UGT1A9: variants seen among roughly 807,000 people sequenced by gnomAD.
The protein encoded by UGT1A9 is UDP glucuronosyltransferase family 1 member A9, also known as UDP-glucuronosyltransferase 1A9.
Under a neutral mutation model 45.0 loss-of-function variants are expected in UGT1A9, and 35 were observed. The ratio of observed to expected loss-of-function variants is 0.78; its 90% confidence interval spans 0.59 to 1.03. The LOEUF (loss-of-function observed/expected upper bound fraction) is 1.03. UGT1A9 is among the 50% of genes least tolerant of loss of function. UGT1A9 has a pLI of 0.00. For missense variants in UGT1A9, 687 were observed against 666.6 expected, an observed-to-expected ratio of 1.03 and a Z score of -0.34; for synonymous variants, 278 against 250.6, an observed-to-expected ratio of 1.11 and a Z score of -1.03.
intron 1 of UGT1A9, among the ~76,000 whole-genome samples, chr2:233,722,881 G>T (rs2077046984): frequency 7.8e-5 from 9 of 115,512 alleles, no homozygotes; most frequent in Admixed American, 2.8e-4. Context: ...TAAATTTATT[G>T]CTCATTAAGT....
At chr2:233,684,348 A>C (rs1180334738) in intron 1 of UGT1A9, among the ~76,000 whole-genome samples, 1 of 152,214 alleles carries the variant, frequency 6.6e-6, no homozygotes, top group South Asian at 2.1e-4. Context: ...TAGACTTGTC[A>C]AAGTGTCTCT....
chr2:233,747,991 A>G (rs532442400), intron 1 of UGT1A9: 1 of 1,612,870 alleles, frequency 6.2e-7, no homozygotes, highest in Non-Finnish European at 8.5e-7. Context: ...TTCCGAGGGG[A>G]CTTTGTGATG....
At chr2:233,724,276 C>T (rs2077203543) in intron 1 of UGT1A9, among the ~76,000 whole-genome samples, 1 of 135,960 alleles carries the variant, frequency 7.4e-6, no homozygotes, top group Non-Finnish European at 1.6e-5. Flanking sequence ...GGGCGGCTGG[C>T]CGGGCGGGGG....
chr2:233,672,981 T>A (rs1290913607), intron 1 of UGT1A9, among the ~76,000 whole-genome samples, 192 bp downstream of exon 1: 2 of 152,214 alleles, frequency 1.3e-5, no homozygotes, highest in Non-Finnish European at 2.9e-5. Context: ...CTTGAAGATA[T>A]GTATTTATAA....
intron 1 of UGT1A9, chr2:233,713,016 CT>C: frequency 6.2e-7 from 1 of 1,613,704 alleles, no homozygotes; most frequent in Non-Finnish European, 8.5e-7. Context: ...CCAGGTTCCC[CT>C]GCCGCAGCTG....
rs28900368 is a variant in UGT1A9 at position 233,741,162 on chromosome 2, T to C, written c.856-25872T>C. ...CATTTATGACAGCACTAATCCAGGA[T>C]ATATCAAAACTGAACTTGTGTTTGC... On this transcript the variant is annotated intron_variant, in intron 1 of 4. Transcript: ENST00000354728. 1.4e-3 allele frequency among the ~76,000 whole-genome samples: 206 copies of C among 152,072 alleles called. 9 individuals are homozygous for C. The highest frequency in any genetic ancestry group is 4.8e-3 in the African/African-American group (198 of 41,316).
chr2:233,679,848 T>A (rs990839765), intron 1 of UGT1A9, among the ~76,000 whole-genome samples: 2 of 152,204 alleles, frequency 1.3e-5, no homozygotes, highest in Admixed American at 1.3e-4. Flanking sequence ...CAAATCACAT[T>A]GGCATCTATA....
chr2:233,767,255 G>T, intron 2 of UGT1A9, 90 bp downstream of exon 2: 2 of 1,596,758 alleles, frequency 1.3e-6, no homozygotes, highest in East Asian at 2.2e-5. Context: ...CTCTTAATTG[G>T]AACCTTAGAT....
At chr2:233,772,210 A>AT in intron 4 of UGT1A9, 52 bp from the exon 5 acceptor site, 1 of 1,610,530 alleles carries the variant, frequency 6.2e-7, no homozygotes, top group Non-Finnish European at 8.5e-7. Context: ...TAAAGAGAGG[A>AT]TTGTTCATAC....
In UGT1A9 at chr2:233,772,242, G is replaced by A. The variant is rs762612938; in HGVS notation, c.1296-20G>A. ...ATACCACAGGTGTTCCAGGCATAAC[G>A]AAACTGTCTTTGTGTTTAGTTACAA... On this transcript the variant is annotated intron_variant, in intron 4 of 4. Transcript: ENST00000354728. 5.6e-6 allele frequency: 9 copies of A among 1,614,002 alleles called. No individual in the cohort carries two copies. Among genetic ancestry groups the A allele is most frequent in the East Asian group, 4.5e-5 (2 of 44,900 alleles).
intron 1 of UGT1A9, among the ~76,000 whole-genome samples, chr2:233,699,243 G>T (rs1160022756): frequency 1.3e-5 from 2 of 151,972 alleles, no homozygotes; most frequent in East Asian, 3.9e-4. Context: ...TTGTTTTTAG[G>T]CCCCTTTCCT....
chr2:233,737,036 C>T (rs2078836192), intron 1 of UGT1A9, among the ~76,000 whole-genome samples: 1 of 152,178 alleles, frequency 6.6e-6, no homozygotes, highest in Non-Finnish European at 1.5e-5. Flanking sequence ...TCTCAGAGCT[C>T]AAATGCCATA....
Position 233,743,740 on chromosome 2 carries a change from G to C in UGT1A9, c.856-23294G>C, listed in dbSNP as rs370997418. The C allele has an allele frequency of 1.2e-4, 170 of 1,367,378 alleles. 1 individual carries two copies. The highest frequency in any genetic ancestry group is 2.3e-4 in the South Asian group (20 of 88,054). The allele number at this position is 1,367,378 out of a possible 1,614,324, so 84.7% of individuals were successfully genotyped here. ...AGCGGTCATAGATATCGCGTTTCTTGGCGTCCGACAACACCTCGTAGGCCT... is the reference window on the plus strand; with the variant it reads ...AGCGGTCATAGATATCGCGTTTCTTCGCGTCCGACAACACCTCGTAGGCCT... On this transcript the variant is annotated intron_variant, in intron 1 of 4. Coordinates refer to ENST00000354728, the MANE Select transcript of UGT1A9 (RefSeq NM_021027.3).
At chr2:233,724,277 C>G (rs1162056701) in intron 1 of UGT1A9, among the ~76,000 whole-genome samples, 11 of 115,820 alleles carry the variant, frequency 9.5e-5, no homozygotes, top group African/African-American at 3.2e-4. Context: ...GGCGGCTGGC[C>G]GGGCGGGGGG....
intron 2 of UGT1A9, 121 bp downstream of exon 2, chr2:233,767,286 C>T (rs967346318): frequency 1.9e-6 from 3 of 1,568,700 alleles, no homozygotes; most frequent in Non-Finnish European, 2.6e-6. Flanking sequence ...CCTGCCACTT[C>T]CCAACTATTA....
At chr2:233,747,862 C>T in intron 1 of UGT1A9, 1 of 1,613,544 alleles carries the variant, frequency 6.2e-7, no homozygotes, top group Non-Finnish European at 8.5e-7. Context: ...ATGCTCTACC[C>T]TCTGGCCCTG....
chr2:233,675,403 G>A lies in UGT1A9; in HGVS notation c.855+2614G>A, dbSNP rs373931415. Among the ~76,000 whole-genome samples, 89 of 152,280 alleles carry A rather than the reference G, an allele frequency of 5.8e-4. No individual in the cohort carries two copies. In the South Asian group the frequency reaches 0.018, roughly 31 times the overall value. ...TCCCTAGTCTTTTTGAATTTTTGAT[G>A]AGTTCCAACAGAATTAATGACTGGT... On this transcript the variant is annotated intron_variant, in intron 1 of 4. Transcript: ENST00000354728.
intron 1 of UGT1A9, among the ~76,000 whole-genome samples, chr2:233,726,045 G>A (rs1002009410): frequency 1.3e-5 from 2 of 151,996 alleles, no homozygotes; most frequent in Non-Finnish European, 2.9e-5. Context: ...GCACACCTGT[G>A]GTCCCAGCTA....
intron 1 of UGT1A9, among the ~76,000 whole-genome samples, chr2:233,688,055 C>T (rs1030509635): frequency 4.6e-5 from 7 of 152,218 alleles, no homozygotes; most frequent in Non-Finnish European, 7.3e-5. Context: ...TTCCTCACTC[C>T]AAAAAGAAAC....
Sources: gnomAD v4.1 joint callset for allele counts (sites outside exome capture counted in the v4.1 genomes callset) on GRCh38, gnomAD v4.1.1 for gene constraint, MANE v1.5 for transcripts, NCBI Gene and HGNC (gene_info 2026-07-23, HGNC 2026-07-21) for gene names.